Variants in ACTR3C observed in about 807,000 individuals in gnomAD.
ACTR3C encodes actin related protein 3C.
Under a neutral mutation model 26.3 loss-of-function variants are expected in ACTR3C, and 18 were observed. The observed-to-expected ratio is 0.68, with a 90% CI of 0.47 to 1.01. The LOEUF (loss-of-function observed/expected upper bound fraction) is 1.01. Ranked by LOEUF, ACTR3C falls within the 50% of genes least tolerant of loss-of-function variation. The pLI is 0.00. For missense variants in ACTR3C, 184 were observed against 250.7 expected, an observed-to-expected ratio of 0.73 and a Z score of 1.80; for synonymous variants, 55 against 94.5, an observed-to-expected ratio of 0.58 and a Z score of 2.42.
the ACTR3C span, among the ~76,000 whole-genome samples, chr7:149,919,162 TTTAA>T: frequency 1.1e-5 from 1 of 89,778 alleles, no homozygotes; most frequent in Non-Finnish European, 2.3e-5. Context: ...CCTTGTTTCA[TTTAA>T]TTTTTTTTGT....
chr7:150,293,643 T>C (rs766077835), intron 2 of ACTR3C, among the ~76,000 whole-genome samples: 32 of 152,236 alleles, frequency 2.1e-4, no homozygotes, highest in Non-Finnish European at 4.3e-4. Context: ...AAGTTTTCAA[T>C]AAAGAAACGT....
the ACTR3C span, among the ~76,000 whole-genome samples, chr7:150,151,664 T>C: frequency 8.1e-6 from 1 of 123,402 alleles, no homozygotes; most frequent in Non-Finnish European, 1.7e-5. Flanking sequence ...CTTCAGGATT[T>C]TCATGTCAGA....
At chr7:150,094,484 G>C in the ACTR3C span, among the ~76,000 whole-genome samples, 1 of 150,468 alleles carries the variant, frequency 6.6e-6, no homozygotes, top group East Asian at 1.9e-4. Context: ...ACAATGCCAC[G>C]GATTATTATA....
At chr7:150,313,430 G>A (rs1042163768) in intron 1 of ACTR3C, among the ~76,000 whole-genome samples, 2 of 152,204 alleles carry the variant, frequency 1.3e-5, no homozygotes, top group African/African-American at 4.8e-5. Flanking sequence ...AAATGTCTGG[G>A]TTATGATGAT....
the ACTR3C span, among the ~76,000 whole-genome samples, chr7:150,228,295 C>T: frequency 6.6e-6 from 1 of 152,162 alleles, no homozygotes; most frequent in African/African-American, 2.4e-5. Flanking sequence ...AATTTCACAT[C>T]CTAATGTCTT....
the ACTR3C span, among the ~76,000 whole-genome samples, chr7:149,954,560 A>G: frequency 6.6e-6 from 1 of 152,224 alleles, no homozygotes; most frequent in Non-Finnish European, 1.5e-5. Flanking sequence ...ATCTCAAACC[A>G]AATACATTAT....
At chr7:150,208,904 C>T in the ACTR3C span, among the ~76,000 whole-genome samples, 1 of 151,994 alleles carries the variant, frequency 6.6e-6, no homozygotes, top group Non-Finnish European at 1.5e-5. Context: ...AGCTGAATTC[C>T]ATATGTGCAA....
chr7:149,977,939 A>C, the ACTR3C span, among the ~76,000 whole-genome samples: 10 of 151,366 alleles, frequency 6.6e-5, no homozygotes, highest in Non-Finnish European at 4.4e-5. Context: ...GTAATAGGGA[A>C]GAAGAAACAG....
At chr7:149,993,765 C>T in the ACTR3C span, among the ~76,000 whole-genome samples, 2 of 152,168 alleles carry the variant, frequency 1.3e-5, no homozygotes, top group Non-Finnish European at 2.9e-5. Flanking sequence ...AACACAGGCT[C>T]CACAAGGCTA....
At chr7:149,998,823 C>T in the ACTR3C span, among the ~76,000 whole-genome samples, 2 of 150,478 alleles carry the variant, frequency 1.3e-5, no homozygotes, top group South Asian at 2.2e-4. Context: ...ATGTATGTGG[C>T]AGAAGTGAGT....
chr7:150,303,168 A>G (rs1795559910), intron 1 of ACTR3C, among the ~76,000 whole-genome samples: 1 of 152,236 alleles, frequency 6.6e-6, no homozygotes, highest in Non-Finnish European at 1.5e-5. Flanking sequence ...GGCCAGTAAG[A>G]CACAAAAGCT....
At chr7:150,229,789 C>A in the ACTR3C span, among the ~76,000 whole-genome samples, 2 of 151,448 alleles carry the variant, frequency 1.3e-5, no homozygotes, top group African/African-American at 4.9e-5. Context: ...AGCCACTATG[C>A]CCAGCCTTAG....
the ACTR3C span, among the ~76,000 whole-genome samples, chr7:149,975,261 C>A: frequency 2.9e-4 from 44 of 152,118 alleles, no homozygotes; most frequent in African/African-American, 1.0e-3. Flanking sequence ...GGAAAATACA[C>A]AAGAATATTT....
chr7:150,249,596 G>A (rs952948209), intron 6 of ACTR3C, among the ~76,000 whole-genome samples: 7 of 152,104 alleles, frequency 4.6e-5, no homozygotes, highest in African/African-American at 1.7e-4. Flanking sequence ...TGGGATTACA[G>A]GCGCCGGACA....
the ACTR3C span, among the ~76,000 whole-genome samples, chr7:150,091,986 T>TCAAAAA: frequency 1.5e-4 from 1 of 6,462 alleles, no homozygotes; most frequent in Non-Finnish European, 3.6e-4. Context: ...AGACTCCGTC[T>TCAAAAA]CAAAAAAAAA....
the ACTR3C span, among the ~76,000 whole-genome samples, chr7:150,192,175 T>G: frequency 6.6e-6 from 1 of 151,032 alleles, no homozygotes; most frequent in African/African-American, 2.4e-5. Flanking sequence ...GGGATATTGG[T>G]TTTTAGTTCT....
chr7:150,183,615 G>T, the ACTR3C span, among the ~76,000 whole-genome samples: 8 of 146,204 alleles, frequency 5.5e-5, no homozygotes, highest in Admixed American at 2.0e-4. Flanking sequence ...GGTAGTAAAA[G>T]GTGACAAACA....
At chr7:150,174,486 G>T in the ACTR3C span, among the ~76,000 whole-genome samples, 10 of 141,032 alleles carry the variant, frequency 7.1e-5, 1 homozygote, top group African/African-American at 1.3e-4. Flanking sequence ...GTTGAGATTT[G>T]GGTGGGGACA....
the ACTR3C span, among the ~76,000 whole-genome samples, chr7:150,163,384 ATGTG>A: frequency 0.022 from 3,207 of 148,744 alleles, 129 homozygotes; most frequent in East Asian, 0.18. Flanking sequence ...ATATGTGTGT[ATGTG>A]TGTGTGTGTG....
Sources: allele counts gnomAD v4.1 joint callset (sites outside exome capture counted in the v4.1 genomes callset), GRCh38; gene constraint gnomAD v4.1.1; transcripts MANE v1.5; gene names NCBI Gene and HGNC (gene_info 2026-07-23, HGNC 2026-07-21).